Variants in FRY observed in about 807,000 individuals in gnomAD.
The protein encoded by FRY is protein furry homolog.
In FRY, 128 loss-of-function variants were observed where a neutral mutation model predicts 348.4. The ratio of observed to expected loss-of-function variants is 0.37; its 90% confidence interval spans 0.32 to 0.43. The LOEUF (loss-of-function observed/expected upper bound fraction) is 0.43, where lower values mean the gene tolerates loss of function less well. Among genes scored for constraint, FRY ranks in the 20% least tolerant of loss-of-function variants. The pLI, the probability that FRY is intolerant of heterozygous loss-of-function variation, is 1.00. For missense variants in FRY, 2,736 were observed against 3,695.2 expected, an observed-to-expected ratio of 0.74 and a Z score of 6.73; for synonymous variants, 1,370 against 1,374.7, an observed-to-expected ratio of 1.00 and a Z score of 0.08.
chr13:32,047,926 T>A (rs576812299), intron 1 of FRY, among the ~76,000 whole-genome samples: 4,230 of 152,278 alleles, frequency 0.028, 86 homozygotes, highest in Middle Eastern at 0.044. Context: ...AAGCGTGAGC[T>A]TTTTGGATTT....
intron 1 of FRY, among the ~76,000 whole-genome samples, chr13:32,057,119 A>G (rs1004971162): frequency 6.6e-6 from 1 of 152,134 alleles, no homozygotes; most frequent in African/African-American, 2.4e-5. Flanking sequence ...AGACTATACA[A>G]TAAAGTAGGT....
At chr13:32,058,161 G>A (rs1873745589) in intron 1 of FRY, among the ~76,000 whole-genome samples, 1 of 152,082 alleles carries the variant, frequency 6.6e-6, no homozygotes, top group African/African-American at 2.4e-5. Context: ...ATTAAATTTA[G>A]TTTACATTAA....
chr13:32,124,483 G>C, intron 5 of FRY, 107 bp downstream of exon 5: 1 of 863,322 alleles, frequency 1.2e-6, no homozygotes, highest in Non-Finnish European at 1.9e-6. Flanking sequence ...TCCAAATACT[G>C]GGTTATATGA....
intron 44 of FRY, among the ~76,000 whole-genome samples, chr13:32,238,300 ATT>A (rs5802639): frequency 6.6e-6 from 1 of 151,206 alleles, no homozygotes; most frequent in African/African-American, 2.4e-5. Flanking sequence ...GAAAAAAAAA[ATT>A]TTTTTTTCTT....
At chr13:32,035,288 T>C (rs1872453456) in intron 1 of FRY, among the ~76,000 whole-genome samples, 1 of 152,184 alleles carries the variant, frequency 6.6e-6, no homozygotes, top group Admixed American at 6.5e-5. Flanking sequence ...GTTGGTTATT[T>C]TGGGCTGGTT....
In FRY at chr13:32,270,966, G is replaced by A. The variant is rs117274102; in HGVS notation, c.8136+3607G>A. On this transcript the variant is annotated intron_variant, in intron 55 of 60. Transcript: ENST00000542859. ...TCTAACTTCATGTCAGTAGACCAGC[G>A]GGTTCATTACCAAGACCGACAGGTC... 1.5e-3 allele frequency among the ~76,000 whole-genome samples: 221 copies of A among 152,266 alleles called. 5 individuals carry two copies. The East Asian group carries it at 0.015, about 11-fold the overall frequency.
At chr13:32,046,891 A>G (rs1261336585) in intron 1 of FRY, among the ~76,000 whole-genome samples, 8 of 152,194 alleles carry the variant, frequency 5.3e-5, no homozygotes, top group Non-Finnish European at 1.2e-4. Context: ...TTTACTTTTG[A>G]CTAAACAAGA....
chr13:32,090,553 C>T (rs755607711), intron 2 of FRY, among the ~76,000 whole-genome samples: 8 of 152,060 alleles, frequency 5.3e-5, no homozygotes, highest in Non-Finnish European at 1.0e-4. Context: ...TCCACACACA[C>T]TGTAGTAGAC....
At chr13:32,202,946 C>CA (rs11354597) in intron 31 of FRY, among the ~76,000 whole-genome samples, 77 of 136,484 alleles carry the variant, frequency 5.6e-4, no homozygotes, top group Middle Eastern at 4.2e-3. Context: ...GAGACAGTCT[C>CA]AAAAAAAAAA....
intron 14 of FRY, among the ~76,000 whole-genome samples, chr13:32,150,153 G>A (rs1002006277): frequency 4.6e-5 from 7 of 152,186 alleles, no homozygotes; most frequent in Admixed American, 2.6e-4. Flanking sequence ...GCTTTTACTT[G>A]TAACTGTTCA....
intron 2 of FRY, among the ~76,000 whole-genome samples, chr13:32,087,224 A>G (rs17506931): frequency 0.015 from 2,329 of 152,350 alleles, 25 homozygotes; most frequent in African/African-American, 0.017. Context: ...AACCTGTAGG[A>G]ACATCAGTCA....
In FRY at chr13:32,244,161, G is replaced by T; in HGVS notation, c.6807G>T (p.Lys2269Asn). The change falls in exon 47 of 61, where the codon AAG becomes AAT. Residue 2269 changes from lysine to asparagine, a missense_variant. Lys to Asn is a moderately conservative substitution (Grantham distance 94). Transcript: ENST00000542859. The stretch of plus-strand genomic sequence containing the variant: ...AACAGTTCAATGTGGAAGTTCTGAA[G>T]ACAATTGAAAAATATGTGCAAGTGA... ...PVKQFNVEVL[K>N]TIEKYVQSVH... 1 of 1,613,906 alleles carries T rather than the reference G, an allele frequency of 6.2e-7. No homozygotes were observed. The highest frequency in any genetic ancestry group is 1.1e-5 in the South Asian group (1 of 91,078).
intron 1 of FRY, among the ~76,000 whole-genome samples, chr13:32,041,451 G>A (rs1872741975): frequency 6.6e-6 from 1 of 151,932 alleles, no homozygotes; most frequent in Non-Finnish European, 1.5e-5. Flanking sequence ...CCGCCACCAT[G>A]CCCTGCTAAT....
Position 32,207,222 on chromosome 13 carries a change from GCT to G in FRY, c.4019-1624_4019-1623del, listed in dbSNP as rs539694213. Among the ~76,000 whole-genome samples, 51 of 152,212 alleles carry G rather than the reference GCT, an allele frequency of 3.4e-4. 1 individual carries two copies. The East Asian group carries it at 9.4e-3, about 28-fold the overall frequency. Reference sequence around the variant, plus strand: ...CAAAAGATAGGTCTTTTGAATAACTGCTCTCTCTTTTATTTGTTTTTGGGATT... The same window carrying G: ...CAAAAGATAGGTCTTTTGAATAACTGCTCTCTTTTATTTGTTTTTGGGATT... On this transcript the variant is annotated intron_variant, in intron 31 of 60. Coordinates refer to ENST00000542859, the MANE Select transcript of FRY (RefSeq NM_023037.3).
At position 32,224,924 on chromosome 13, in the gene FRY, A is replaced by G; in HGVS notation, c.4917-9A>G. On this transcript the variant is annotated splice_polypyrimidine_tract_variant and intron_variant, in intron 37 of 60. Coordinates refer to ENST00000542859, the MANE Select transcript of FRY (RefSeq NM_023037.3). ...GAAGTTGCATTAATTTCATTATTTC[A>G]TTGATTAGGTGCAATATTGCTGTAA... 4 of 1,516,218 alleles carry G rather than the reference A, an allele frequency of 2.6e-6. No homozygotes were observed. The highest frequency in any genetic ancestry group is 3.7e-6 in the Non-Finnish European group (4 of 1,090,534). The allele number at this position is 1,516,218 out of a possible 1,614,324, so 93.9% of individuals were successfully genotyped here.
At chr13:32,126,241 T>A (rs1462787737) in intron 7 of FRY, among the ~76,000 whole-genome samples, 1 of 148,642 alleles carries the variant, frequency 6.7e-6, no homozygotes, top group African/African-American at 2.5e-5. Flanking sequence ...CAACATAAAC[T>A]TTCAGCTGTC....
intron 1 of FRY, among the ~76,000 whole-genome samples, chr13:32,041,012 T>A (rs1872724569): frequency 6.6e-6 from 1 of 152,206 alleles, no homozygotes; most frequent in East Asian, 1.9e-4. Flanking sequence ...TTAAAGAATT[T>A]TAAAACGAAA....
At chr13:32,147,509 A>G (rs1215433208) in intron 12 of FRY, 124 bp downstream of exon 12, 5 of 719,912 alleles carry the variant, frequency 6.9e-6, no homozygotes, top group South Asian at 1.5e-5. Flanking sequence ...TAAAAGATCT[A>G]AGTCCTAAGG....
chr13:32,295,061 A>G lies in FRY; in HGVS notation c.8784-141A>G, dbSNP rs1415464764. ...AAACCCACTGAATTGTTTACCTTAGATGAGTGAATTACCTGATACAGGAAT... is the reference window on the plus strand; with the variant it reads ...AAACCCACTGAATTGTTTACCTTAGGTGAGTGAATTACCTGATACAGGAAT... On this transcript the variant is annotated intron_variant, in intron 60 of 60. Transcript: ENST00000542859. 9.2e-6 allele frequency: 7 copies of G among 759,742 alleles called. No individual in the cohort carries two copies. The Admixed American group carries it at 9.5e-5, about 10-fold the overall frequency. The allele number at this position is 759,742 out of a possible 1,614,324, so 47.1% of individuals were successfully genotyped here.
Sources: allele counts gnomAD v4.1 joint callset (sites outside exome capture counted in the v4.1 genomes callset), GRCh38; gene constraint gnomAD v4.1.1; transcripts MANE v1.5; gene names NCBI Gene and HGNC (gene_info 2026-07-23, HGNC 2026-07-21).